Variants in GALNT2 observed in about 807,000 individuals in gnomAD.
GALNT2 encodes the protein polypeptide N-acetylgalactosaminyltransferase 2, also known as UDP-GalNAc:polypeptide N-acetylgalactosaminyltransferase 2.
Under a neutral mutation model 81.4 loss-of-function variants are expected in GALNT2, and 31 were observed. That is an observed-to-expected ratio of 0.38 (90% CI 0.29 to 0.51). GALNT2 has a LOEUF of 0.51. GALNT2 is among the 20% of genes least tolerant of loss of function. The pLI, the probability that GALNT2 is intolerant of heterozygous loss-of-function variation, is 0.87. For missense variants in GALNT2, 629 were observed against 765.7 expected, an observed-to-expected ratio of 0.82 and a Z score of 2.11; for synonymous variants, 303 against 287.4, an observed-to-expected ratio of 1.05 and a Z score of -0.55.
rs1367537707 is a variant in GALNT2, at chr1:230,271,256, G to C, written c.1441-3189G>C. 6.6e-6 allele frequency among the ~76,000 whole-genome samples: 1 copy of C among 152,044 alleles called. No homozygotes were observed. The highest frequency in any genetic ancestry group is 1.5e-5 in the Non-Finnish European group (1 of 68,002). ...CATCCTGAACGCCATCTGCCTATGG[G>C]AAACACACACGGCTTCCTCTCTACA... On this transcript the variant is annotated intron_variant, in intron 14 of 15. Transcript: ENST00000366672. This position sits in a 1 kb window ranked among gnomAD's most constrained non-coding sequence, Gnocchi z 4.2.
At chr1:230,251,106 A>G (rs1665532979) in intron 10 of GALNT2, among the ~76,000 whole-genome samples, 1 of 152,174 alleles carries the variant, frequency 6.6e-6, no homozygotes, top group Non-Finnish European at 1.5e-5. Context: ...AGGCACAGCA[A>G]AATTTTGCAC....
intron 1 of GALNT2, among the ~76,000 whole-genome samples, chr1:230,177,061 T>C (rs989808518): frequency 6.6e-6 from 1 of 151,860 alleles, no homozygotes; most frequent in Non-Finnish European, 1.5e-5. Flanking sequence ...GATGGGGGAG[T>C]CTTAGGCACA....
At chr1:230,252,574 A>T (rs183575120) in intron 10 of GALNT2, among the ~76,000 whole-genome samples, 163 of 152,336 alleles carry the variant, frequency 1.1e-3, no homozygotes, top group African/African-American at 3.8e-3. Flanking sequence ...CTCAGAACCA[A>T]GATGTAAACA....
At chr1:230,161,148 G>A (rs1178103196) in intron 1 of GALNT2, among the ~76,000 whole-genome samples, 5 of 152,198 alleles carry the variant, frequency 3.3e-5, no homozygotes, top group Admixed American at 3.3e-4. Context: ...TGTCTGGGCG[G>A]TCCTTTTGCT....
rs142581582 is a variant in GALNT2, at chr1:230,281,891, G to A, written c.*2433G>A. The A allele has an allele frequency of 1.2e-4, 18 of 152,664 alleles. No individual in the cohort carries two copies. In the East Asian group the frequency reaches 2.9e-3, roughly 25 times the overall value. 9.5% of individuals were successfully genotyped at this position (152,664 alleles called of 1,614,324 possible). ...TTCCTAAGAGCCCTTCGAGCAAAGC[G>A]TGCCGAAGTTAGTTGTCTTCTCTGT... is the stretch of plus-strand genomic sequence containing the variant. On this transcript the variant is annotated 3_prime_UTR_variant, in exon 16 of 16. Coordinates refer to ENST00000366672, the MANE Select transcript of GALNT2 (RefSeq NM_004481.5).
chr1:230,067,240 T>C lies in GALNT2; in HGVS notation c.-41T>C. 1 of 1,233,894 alleles carries C rather than the reference T, an allele frequency of 8.1e-7. No homozygotes were observed. The highest frequency in any genetic ancestry group is 1.0e-6 in the Non-Finnish European group (1 of 980,106). 76.4% of individuals were successfully genotyped at this position (1,233,894 alleles called of 1,614,324 possible). On this transcript the variant is annotated 5_prime_UTR_variant, in exon 1 of 16. Coordinates refer to ENST00000366672, the MANE Select transcript of GALNT2 (RefSeq NM_004481.5). Reference sequence around the variant, plus strand: ...CGCCCGCGGCCGGCCCAGGCAGCACTCGCGAGCAGCGGCGGCCCCGCCGGC... The same window carrying C: ...CGCCCGCGGCCGGCCCAGGCAGCACCCGCGAGCAGCGGCGGCCCCGCCGGC...
At chr1:230,090,460 C>T (rs1244244116) in intron 1 of GALNT2, among the ~76,000 whole-genome samples, 2 of 152,102 alleles carry the variant, frequency 1.3e-5, no homozygotes, top group Non-Finnish European at 2.9e-5. Flanking sequence ...GGACCTGCTA[C>T]CAGAACTGGT....
At chr1:230,081,350 T>A (rs1001294242) in intron 1 of GALNT2, among the ~76,000 whole-genome samples, 1 of 152,196 alleles carries the variant, frequency 6.6e-6, no homozygotes, top group Admixed American at 6.5e-5. Flanking sequence ...ATTTCCCAAT[T>A]CCACCCTTAA....
At chr1:230,066,948 G>T (rs1288840453), upstream of GALNT2, among the ~76,000 whole-genome samples, 1 of 150,326 alleles carries the variant, frequency 6.7e-6, no homozygotes, top group Non-Finnish European at 1.5e-5. Flanking sequence ...GGAGCCCGGC[G>T]TGCTGCAGCC....
At chr1:230,183,811 C>T (rs912160576) in intron 2 of GALNT2, among the ~76,000 whole-genome samples, 1 of 152,006 alleles carries the variant, frequency 6.6e-6, no homozygotes, top group Non-Finnish European at 1.5e-5. Flanking sequence ...AACCCTGTCT[C>T]TACAAAAAAT....
At chr1:230,111,020 C>T (rs146612670) in intron 1 of GALNT2, among the ~76,000 whole-genome samples, 49 of 152,218 alleles carry the variant, frequency 3.2e-4, no homozygotes, top group South Asian at 2.1e-3. Flanking sequence ...TGTCTGCATG[C>T]GTGTGTACGT....
At chr1:230,206,606 G>A (rs114872541) in intron 3 of GALNT2, among the ~76,000 whole-genome samples, 1 of 152,184 alleles carries the variant, frequency 6.6e-6, no homozygotes, top group Non-Finnish European at 1.5e-5. Context: ...ATCTAATGGG[G>A]AGCTATTTCA....
At chr1:230,059,861 A>G (rs1659003258) in intron 1 of GALNT2, among the ~76,000 whole-genome samples, 1 of 152,026 alleles carries the variant, frequency 6.6e-6, no homozygotes, top group Non-Finnish European at 1.5e-5. Context: ...TTAACCCTTG[A>G]TACTTTAGTT....
chr1:230,281,223 A>T lies in GALNT2; in HGVS notation c.*1765A>T, dbSNP rs1666433423. ...GAGCCCCACATGTGTGCACTGTAGG[A>T]CAGCGGCCCCGAGGTGGAAGCCTGG... On this transcript the variant is annotated 3_prime_UTR_variant, in exon 16 of 16. Coordinates refer to ENST00000366672, the MANE Select transcript of GALNT2 (RefSeq NM_004481.5). 2.0e-5 allele frequency: 3 copies of T among 152,370 alleles called. No homozygotes were observed. The highest frequency in any genetic ancestry group is 7.2e-5 in the African/African-American group (3 of 41,396). The allele number at this position is 152,370 out of a possible 1,614,324, so 9.4% of individuals were successfully genotyped here.
intron 3 of GALNT2, among the ~76,000 whole-genome samples, chr1:230,229,946 A>G (rs1256685527): frequency 6.6e-6 from 1 of 152,204 alleles, no homozygotes; most frequent in East Asian, 1.9e-4. Context: ...ATGAGGATTG[A>G]GGTAAGGGCT....
chr1:230,220,791 G>A (rs766151117), intron 3 of GALNT2, among the ~76,000 whole-genome samples: 11 of 152,142 alleles, frequency 7.2e-5, no homozygotes, highest in Admixed American at 1.3e-4. Context: ...TGATGTGACG[G>A]TGATGCTAAT....
intron 2 of GALNT2, among the ~76,000 whole-genome samples, chr1:230,179,731 C>G (rs917820975): frequency 6.6e-6 from 1 of 152,040 alleles, no homozygotes. Context: ...AAATGTTTCT[C>G]CTAGTCTGTG....
chr1:230,245,469 A>AC (rs1169369295), intron 7 of GALNT2, among the ~76,000 whole-genome samples: 1 of 149,876 alleles, frequency 6.7e-6, no homozygotes, highest in Non-Finnish European at 1.5e-5. Context: ...CGTCTCAAAA[A>AC]AAAAACAAAA....
At chr1:230,081,937 G>T (rs1571938853) in intron 1 of GALNT2, among the ~76,000 whole-genome samples, 1 of 152,374 alleles carries the variant, frequency 6.6e-6, no homozygotes, top group East Asian at 1.9e-4. Context: ...GTGAGTTGAT[G>T]AAGATGATGC....
Sources: gnomAD v4.1 joint callset for allele counts (sites outside exome capture counted in the v4.1 genomes callset) on GRCh38, gnomAD v4.1.1 for gene constraint, Gnocchi (gnomAD v3.1) non-coding constraint, MANE v1.5 for transcripts, NCBI Gene and HGNC (gene_info 2026-07-23, HGNC 2026-07-21) for gene names.